Variants in ACE observed in about 807,000 individuals in gnomAD.
ACE encodes angiotensin-converting enzyme.
A neutral mutation model predicts 162.3 loss-of-function variants in ACE; 122 were observed. That is an observed-to-expected ratio of 0.75 (90% CI 0.65 to 0.87). The LOEUF is 0.87. Ranked by LOEUF, ACE falls within the 40% of genes least tolerant of loss-of-function variation. The probability of loss-of-function intolerance (pLI) is 0.00; values close to 1 mark genes in which losing one functional copy is unlikely to be tolerated. For synonymous variants in ACE, 796 were observed against 720.6 expected, an observed-to-expected ratio of 1.10 and a Z score of -1.68; for missense variants, 1,799 against 1,735.1, an observed-to-expected ratio of 1.04 and a Z score of -0.65.
Position 63,478,031 on chromosome 17 carries a change from T to C in ACE, c.350T>C (p.Leu117Pro). 1 of 1,608,624 alleles carries C rather than the reference T, an allele frequency of 6.2e-7. No homozygotes were observed. The highest frequency in any genetic ancestry group is 1.1e-5 in the South Asian group (1 of 89,944). ...PIWQNFTDPQ[L>P]RRIIGAVRTL... is the part of the protein sequence containing the mutation. ...TGGCAGAACTTCACGGACCCGCAGC[T>C]GCGCAGGATCATCGGAGCTGTGCGC... The change falls in exon 2 of 25, where the codon CTG becomes CCG. Residue 117 changes from leucine to proline, a missense_variant. By Grantham distance (98) the Leu-to-Pro change is moderately conservative. Coordinates refer to ENST00000290866, the MANE Select transcript of ACE (RefSeq NM_000789.4).
Position 63,494,269 on chromosome 17 carries a change from C to T in ACE, c.3282-103C>T, listed in dbSNP as rs4357. Reference sequence around the variant, plus strand: ...CCCAGCACGCAGGAGAATGGGGTGCCCAGTATAGCCCCAAGTGCAGGGACC... The same window carrying T: ...CCCAGCACGCAGGAGAATGGGGTGCTCAGTATAGCCCCAAGTGCAGGGACC... On this transcript the variant is annotated intron_variant, in intron 21 of 24. Coordinates refer to ENST00000290866, the MANE Select transcript of ACE (RefSeq NM_000789.4). 0.018 allele frequency: 23,190 copies of T among 1,287,794 alleles called. 2,188 individuals carry two copies. The African/African-American group carries it at 0.24, about 13-fold the overall frequency. The allele number at this position is 1,287,794 out of a possible 1,614,324, so 79.8% of individuals were successfully genotyped here. A position where few individuals can be genotyped will look rare whatever the true frequency, so the allele number is the denominator to read the frequency against.
intron 12 of ACE, 155 bp from the exon 13 acceptor site, chr17:63,485,081 G>C (rs751484592): frequency 6.2e-7 from 1 of 1,601,228 alleles, no homozygotes; most frequent in Admixed American, 1.7e-5. Flanking sequence ...GACCATGCAG[G>C]GGAGGGGCAG....
intron 13 of ACE, 59 bp downstream of exon 13, chr17:63,485,431 C>G: frequency 6.2e-7 from 1 of 1,603,904 alleles, no homozygotes; most frequent in East Asian, 2.2e-5. Context: ...GAGATGCTGT[C>G]CCGCTCACCA....
intron 17 of ACE, 103 bp downstream of exon 17, chr17:63,489,235 A>T: frequency 3.6e-6 from 5 of 1,385,704 alleles, no homozygotes; most frequent in Non-Finnish European, 4.0e-6. Context: ...CTGGGGACTG[A>T]GAGACTCCAG....
intron 17 of ACE, 150 bp from the exon 18 acceptor site, chr17:63,490,804 T>C (rs1039351641): frequency 3.0e-5 from 23 of 756,748 alleles, no homozygotes; most frequent in Non-Finnish European, 5.1e-5. Context: ...AAAGATGATG[T>C]GTGCCTCAAA....
Position 63,496,845 on chromosome 17 carries a change from A to C in ACE, c.3551A>C (p.Gln1184Pro). ...GFSRPWPEAM[Q>P]LITGQPNMSA... ...AGTAGGCCGTGGCCGGAAGCCATGC[A>C]GCTGATCACGGGCCAGCCCAACATG... Residue 1184 changes from glutamine to proline, a missense_variant, in exon 24 of 25, where the codon CAG becomes CCG. By Grantham distance (76) the Gln-to-Pro change is moderately conservative. Transcript: ENST00000290866. 1 of 1,613,478 alleles carries C rather than the reference A, an allele frequency of 6.2e-7. No individual in the cohort carries two copies. The highest frequency in any genetic ancestry group is 8.5e-7 in the Non-Finnish European group (1 of 1,180,036).
chr17:63,497,068 GGCCCTGCCCCGCACCCTTGCCCTGCCCT>G, intron 24 of ACE, 41 bp from the exon 25 acceptor site: 1 of 1,587,536 alleles, frequency 6.3e-7, no homozygotes, highest in East Asian at 2.3e-5. Context: ...CTCGGAGCCT[GGCCCTGCCCCGCACCCTTGCCCTGCCCT>G]GCCCTGCCCT....
chr17:63,484,765 C>T lies in ACE; in HGVS notation c.1921+224C>T. The T allele has an allele frequency of 2.7e-6, 4 of 1,472,616 alleles. No individual in the cohort carries two copies. The highest frequency in any genetic ancestry group is 2.3e-5 in the Admixed American group (1 of 43,700). 91.2% of individuals were successfully genotyped at this position (1,472,616 alleles called of 1,614,324 possible). ...TGTGCTCAGACCTGAGGGCCCCTCC[C>T]CTTCCAGAGGAAGCCAGACACAAGG... On this transcript the variant is annotated intron_variant, in intron 12 of 24. Coordinates refer to ENST00000290866, the MANE Select transcript of ACE (RefSeq NM_000789.4). The surrounding 1 kb of genome is among the most constrained non-coding windows in gnomAD (Gnocchi z 4.0).
chr17:63,479,893 T>A lies in ACE; in HGVS notation c.636T>A (p.Asn212Lys), dbSNP rs753408382. 3 of 1,611,676 alleles carry A rather than the reference T, an allele frequency of 1.9e-6. No individual in the cohort carries two copies. In the East Asian group the frequency reaches 6.7e-5, roughly 36 times the overall value. ...ACGAGGATTTCACTGCCCTCAGCAA[T>A]GAAGCCTACAAGCAGGACGGTGAGC... ...PLYEDFTALS[N>K]EAYKQDGFTD... The change falls in exon 4 of 25, where the codon AAT becomes AAA. Residue 212 changes from asparagine to lysine, a missense_variant. Transcript: ENST00000290866.
intron 15 of ACE, among the ~76,000 whole-genome samples, chr17:63,488,370 A>G (rs981989823): frequency 2.7e-5 from 4 of 149,122 alleles, no homozygotes; most frequent in East Asian, 2.0e-4. Flanking sequence ...GAAAAAAAAA[A>G]AAAAAAAAAA....
chr17:63,489,239 A>T, intron 17 of ACE, 107 bp downstream of exon 17: 7 of 1,358,908 alleles, frequency 5.2e-6, no homozygotes, highest in Admixed American at 2.0e-5. Flanking sequence ...GGACTGAGAG[A>T]CTCCAGCCCT....
At position 63,486,707 on chromosome 17, in the gene ACE, C is replaced by A; in HGVS notation, c.2209C>A (p.Leu737Met). The stretch of plus-strand genomic sequence containing the variant: ...ACGGGCAGCACTGCCTGCCCAGGAG[C>A]TGGAGGAGGTGTGTGGCTCGCAAGG... ...LERAALPAQE[L>M]EEYNKILLDM... The change falls in exon 14 of 25, where the codon CTG becomes ATG. Residue 737 changes from leucine to methionine, a missense_variant. By Grantham distance (15) the Leu-to-Met change is conservative. Coordinates refer to ENST00000290866, the MANE Select transcript of ACE (RefSeq NM_000789.4). 6.2e-7 allele frequency: 1 copy of A among 1,614,186 alleles called. No individual in the cohort carries two copies. Among genetic ancestry groups the A allele is most frequent in the Non-Finnish European group, 8.5e-7 (1 of 1,180,022 alleles).
At chr17:63,479,425 C>A (rs1158450222) in intron 3 of ACE, among the ~76,000 whole-genome samples, 1 of 152,186 alleles carries the variant, frequency 6.6e-6, no homozygotes, top group Non-Finnish European at 1.5e-5. Context: ...AGGGACCCCT[C>A]GTGGCTTCCC....
In ACE at chr17:63,483,494, C is replaced by G; in HGVS notation, c.1522C>G (p.Arg508Gly). The G allele has an allele frequency of 6.2e-7, 1 of 1,614,116 alleles. No individual in the cohort carries two copies. Reference protein sequence around the residue: ...KYQGICPPVTRNETHFDAGAK... With the variant: ...KYQGICPPVTGNETHFDAGAK... ...TCAGGGGATCTGTCCTCCTGTTACC[C>G]GAAACGAAACCCACTTTGATGCTGG... The change falls in exon 10 of 25, where the codon CGA becomes GGA. Residue 508 changes from arginine (R) to glycine (G), a missense_variant. By Grantham distance (125) the Arg-to-Gly change is moderately radical. Coordinates refer to ENST00000290866, the MANE Select transcript of ACE (RefSeq NM_000789.4).
Position 63,484,285 on chromosome 17 carries a change from C to T in ACE, c.1710-45C>T, listed in dbSNP as rs2029862244. On this transcript the variant is annotated intron_variant, in intron 11 of 24. Coordinates refer to ENST00000290866, the MANE Select transcript of ACE (RefSeq NM_000789.4). This position sits in a 1 kb window ranked among gnomAD's most constrained non-coding sequence, Gnocchi z 4.0. ...GTGGGCCGGGGTCCAGGAGCAGACT[C>T]CAGCCTGAGTCCCCTGTGCCCATGG... 14 of 1,581,022 alleles carry T rather than the reference C, an allele frequency of 8.9e-6. No homozygotes were observed. Among genetic ancestry groups the T allele is most frequent in the Non-Finnish European group, 1.2e-5 (14 of 1,166,000 alleles).
Position 63,497,651 on chromosome 17 carries a change from G to C in ACE, c.*285G>C, listed in dbSNP as rs1453407022. The C allele has an allele frequency of 1.6e-6, 1 of 628,876 alleles. No homozygotes were observed. Among genetic ancestry groups the C allele is most frequent in the African/African-American group, 1.8e-5 (1 of 55,598 alleles). The allele number at this position is 628,876 out of a possible 1,614,324, so 39.0% of individuals were successfully genotyped here. On this transcript the variant is annotated 3_prime_UTR_variant, in exon 25 of 25. Coordinates refer to ENST00000290866, the MANE Select transcript of ACE (RefSeq NM_000789.4). ...GTCTGTGTCCCTCACAGGGAAGCCA[G>C]GGACAGGGACAGGCTGCTTTCCTGC...
At chr17:63,478,976 A>C (rs2049663094) in intron 2 of ACE, 31 bp from the exon 3 acceptor site, 2 of 1,580,162 alleles carry the variant, frequency 1.3e-6, no homozygotes, top group Non-Finnish European at 1.7e-6. Context: ...GGGGCTGGTC[A>C]CTGGAGCATT....
rs759228081 is a variant in ACE at position 63,486,559 on chromosome 17, G to A, written c.2061G>A (p.Leu687=). 6.2e-7 allele frequency: 1 copy of A among 1,614,158 alleles called. No individual in the cohort carries two copies. Among genetic ancestry groups the A allele is most frequent in the African/African-American group, 1.3e-5 (1 of 75,060 alleles). Reference sequence around the variant, plus strand: ...ACACCATCCCCCTGTGCCCTCAGCTGCAGAAGAACATGCAAATAGCCAACC... The same window carrying A: ...ACACCATCCCCCTGTGCCCTCAGCTACAGAAGAACATGCAAATAGCCAACC... The part of the protein sequence containing the change: ...NITTETSKIL[L]QKNMQIANHT... The change falls in exon 14 of 25, where the codon CTG becomes CTA. Residue 687 remains leucine, a splice_region_variant and synonymous_variant. Coordinates refer to ENST00000290866, the MANE Select transcript of ACE (RefSeq NM_000789.4).
chr17:63,481,337 C>G, intron 6 of ACE, 149 bp downstream of exon 6: 1 of 910,498 alleles, frequency 1.1e-6, no homozygotes, highest in Non-Finnish European at 1.7e-6. Context: ...GGTCGGCCCC[C>G]TCAGTGAGGT....
Sources: gnomAD v4.1 joint callset for allele counts (sites outside exome capture counted in the v4.1 genomes callset) on GRCh38, gnomAD v4.1.1 for gene constraint, Gnocchi (gnomAD v3.1) non-coding constraint, MANE v1.5 for transcripts, NCBI Gene and HGNC (gene_info 2026-07-23, HGNC 2026-07-21) for gene names.